The following SMARCA2 variants were observed in gnomAD, a reference collection of about 807,000 sequenced individuals.
The protein encoded by SMARCA2 is SWI/SNF-related matrix-associated actin-dependent regulator of chromatin subfamily A member 2.
A neutral mutation model predicts 199.8 loss-of-function variants in SMARCA2; 61 were observed. That is an observed-to-expected ratio of 0.31 (90% CI 0.25 to 0.38). SMARCA2 has a LOEUF of 0.38. Ranked by LOEUF, SMARCA2 falls within the 10% of genes least tolerant of loss-of-function variation. SMARCA2 has a pLI of 1.00. For missense variants in SMARCA2, 1,344 were observed against 2,012.2 expected (o/e 0.67, Z 6.35); for synonymous variants, 935 against 732.0 (o/e 1.28, Z -4.48).
At chr9:2,036,581 T>A (rs2130229519) in intron 3 of SMARCA2, among the ~76,000 whole-genome samples, 1 of 152,344 alleles carries the variant, frequency 6.6e-6, no homozygotes, top group South Asian at 2.1e-4. Flanking sequence ...ATCTCTATTT[T>A]TAATACCATA....
intron 27 of SMARCA2, among the ~76,000 whole-genome samples, chr9:2,147,051 A>T (rs929798630): frequency 2.0e-5 from 3 of 152,174 alleles, no homozygotes; most frequent in Admixed American, 2.0e-4. Context: ...TGCTTCAAAC[A>T]TCTCTGACAG....
At chr9:2,036,902 G>C (rs10964512) in intron 3 of SMARCA2, among the ~76,000 whole-genome samples, 1 of 152,134 alleles carries the variant, frequency 6.6e-6, no homozygotes, top group Non-Finnish European at 1.5e-5. Context: ...GTTGAATTTA[G>C]ACTAGGTTGC....
intron 22 of SMARCA2, among the ~76,000 whole-genome samples, chr9:2,103,022 T>G: frequency 6.6e-6 from 1 of 151,954 alleles, no homozygotes; most frequent in Non-Finnish European, 1.5e-5. Flanking sequence ...AGGACCTTTA[T>G]GCATGCTCTT....
At chr9:2,096,281 T>G (rs935046384) in intron 19 of SMARCA2, among the ~76,000 whole-genome samples, 6 of 152,262 alleles carry the variant, frequency 3.9e-5, no homozygotes, top group Non-Finnish European at 7.3e-5. Context: ...AAAACCGTTC[T>G]GTTCATAGGA....
rs1822676481 is a variant in SMARCA2, at chr9:2,104,742, T to C, written c.3292+573T>C. Among the ~76,000 whole-genome samples the C allele has an allele frequency of 3.9e-5, 6 of 152,190 alleles. No homozygotes were observed. Among genetic ancestry groups the C allele is most frequent in the Admixed American group, 2.6e-4 (4 of 15,272 alleles). ...TTTTAAGAGTGAAATTTAAATACCG[T>C]GTCCTAAAAATTAGTAAGAAAAAAT... On this transcript the variant is annotated intron_variant, in intron 23 of 33. Transcript: ENST00000349721. The surrounding 1 kb of genome is among the most constrained non-coding windows in gnomAD (Gnocchi z 4.0).
At chr9:2,191,142 C>G (rs1827850105) in intron 32 of SMARCA2, 124 bp from the exon 33 acceptor site, 7 of 912,984 alleles carry the variant, frequency 7.7e-6, no homozygotes, top group African/African-American at 1.7e-5. Context: ...CAGGCATAAA[C>G]CGGGAATGTT....
chr9:2,101,459 A>C, intron 21 of SMARCA2, 111 bp from the exon 22 acceptor site: 3 of 539,634 alleles, frequency 5.6e-6, no homozygotes, highest in Non-Finnish European at 9.7e-6. Context: ...TTATTCATTA[A>C]TTATTTTGTT....
chr9:2,184,849 C>A (rs1827321003), intron 31 of SMARCA2, among the ~76,000 whole-genome samples: 1 of 151,048 alleles, frequency 6.6e-6, no homozygotes, highest in Non-Finnish European at 1.5e-5. Flanking sequence ...ATGGTCCCAT[C>A]CTCTCTCTCT....
intron 1 of SMARCA2, among the ~76,000 whole-genome samples, chr9:2,018,875 A>T (rs748728550): frequency 3.9e-5 from 6 of 152,226 alleles, no homozygotes; most frequent in Non-Finnish European, 7.3e-5. Context: ...GTTGGCCAGC[A>T]TTGGAGTTTT....
intron 31 of SMARCA2, 99 bp from the exon 32 acceptor site, chr9:2,185,996 TA>T: frequency 8.3e-7 from 1 of 1,198,542 alleles, no homozygotes; most frequent in Non-Finnish European, 1.2e-6. Flanking sequence ...ACATTTCTAC[TA>T]AAATTCATGT....
chr9:2,099,871 A>G (rs1822434594), intron 21 of SMARCA2, among the ~76,000 whole-genome samples: 1 of 152,228 alleles, frequency 6.6e-6, no homozygotes, highest in Admixed American at 6.5e-5. Context: ...AACAGCATCC[A>G]TTGACCCCTC....
Position 2,166,535 on chromosome 9 carries a change from C to G in SMARCA2, c.4200-3884C>G, listed in dbSNP as rs143957778. 1.1e-3 allele frequency among the ~76,000 whole-genome samples: 174 copies of G among 152,214 alleles called. 2 individuals are homozygous for G. The highest frequency in any genetic ancestry group is 4.1e-3 in the African/African-American group (170 of 41,512). The stretch of plus-strand genomic sequence containing the variant: ...TATGCCTACTGATTGTATTCTTATC[C>G]CTGTGTAGTTCCAGCCTTACTACTT... On this transcript the variant is annotated intron_variant, in intron 28 of 33. Coordinates refer to ENST00000349721, the MANE Select transcript of SMARCA2 (RefSeq NM_003070.5).
rs768665328 is a variant in SMARCA2 at position 2,104,173 on chromosome 9, A to G, written c.3292+4A>G. 15 of 1,612,436 alleles carry G rather than the reference A, an allele frequency of 9.3e-6. No individual in the cohort carries two copies. The highest frequency in any genetic ancestry group is 2.2e-5 in the East Asian group (1 of 44,826). ...TTCCTTTACCTACGCCTTGATGGTA[A>G]GTGCATAAGGCATTAGGCTCGGAAG... On this transcript the variant is annotated splice_donor_region_variant and intron_variant, in intron 23 of 33. Transcript: ENST00000349721. This position sits in a 1 kb window ranked among gnomAD's most constrained non-coding sequence, Gnocchi z 4.0.
chr9:2,146,963 T>C (rs1824780342), intron 27 of SMARCA2, among the ~76,000 whole-genome samples: 1 of 152,166 alleles, frequency 6.6e-6, no homozygotes, highest in African/African-American at 2.4e-5. Context: ...TGACTGACAA[T>C]GCCTTAACTG....
chr9:2,032,741 C>CA (rs1194564264), intron 2 of SMARCA2: 2 of 405,548 alleles, frequency 4.9e-6, no homozygotes, highest in East Asian at 4.1e-5. Flanking sequence ...AACAAACAAA[C>CA]AAAAAAACAA....
Position 2,123,036 on chromosome 9 carries a change from C to G in SMARCA2, c.3763-683C>G, listed in dbSNP as rs989158202. The stretch of plus-strand genomic sequence containing the variant: ...ACTAGATCAGTTGGGATGCGATTAC[C>G]TCTGAGCTCTCTCTGTCTGTGGTAT... On this transcript the variant is annotated intron_variant, in intron 26 of 33. Coordinates refer to ENST00000349721, the MANE Select transcript of SMARCA2 (RefSeq NM_003070.5). This position sits in a 1 kb window ranked among gnomAD's most constrained non-coding sequence, Gnocchi z 4.1. Among the ~76,000 whole-genome samples the G allele has an allele frequency of 6.6e-6, 1 of 152,120 alleles. No homozygotes were observed. Among genetic ancestry groups the G allele is most frequent in the African/African-American group, 2.4e-5 (1 of 41,412 alleles).
chr9:2,083,325 GTT>G lies in SMARCA2; in HGVS notation c.2349-11_2349-10del, dbSNP rs766737229. 5.2e-4 allele frequency: 608 copies of G among 1,173,268 alleles called. No individual in the cohort carries two copies. The highest frequency in any genetic ancestry group is 7.6e-4 in the South Asian group (49 of 64,384). 72.7% of individuals were successfully genotyped at this position (1,173,268 alleles called of 1,614,324 possible). Reference sequence around the variant, plus strand: ...TTTATACAAATGTCTTTTTTCTGTTGTTTTTTTTTTTTGTTCCATAGGACTCT... The same window carrying G: ...TTTATACAAATGTCTTTTTTCTGTTGTTTTTTTTTTGTTCCATAGGACTCT... On this transcript the variant is annotated intron_variant, in intron 15 of 33. Transcript: ENST00000349721.
intron 29 of SMARCA2, among the ~76,000 whole-genome samples, chr9:2,178,995 G>A (rs183980097): frequency 2.6e-5 from 4 of 152,296 alleles, no homozygotes; most frequent in Non-Finnish European, 4.4e-5. Context: ...GAGAGTAAGT[G>A]TAGTTGATAT....
In SMARCA2 at chr9:2,070,449, C is replaced by T; in HGVS notation, c.1724C>T (p.Ser575Phe). 6.2e-7 allele frequency: 1 copy of T among 1,613,894 alleles called. No individual in the cohort carries two copies. Among genetic ancestry groups the T allele is most frequent in the Non-Finnish European group, 8.5e-7 (1 of 1,179,852 alleles). Reference protein sequence around the residue: ...KAEENAEGGESALGPDGEPID... With the variant: ...KAEENAEGGEFALGPDGEPID... ...GAGGAGAATGCAGAGGGTGGGGAGTCTGCCCTGGGACCGGATGGAGAGGTA... is the reference window on the plus strand; with the variant it reads ...GAGGAGAATGCAGAGGGTGGGGAGTTTGCCCTGGGACCGGATGGAGAGGTA... Residue 575 changes from serine (S) to phenylalanine (F), a missense_variant, in exon 10 of 34, where the codon TCT becomes TTT. Coordinates refer to ENST00000349721, the MANE Select transcript of SMARCA2 (RefSeq NM_003070.5).
Sources: gnomAD v4.1 joint callset for allele counts (sites outside exome capture counted in the v4.1 genomes callset) on GRCh38, gnomAD v4.1.1 for gene constraint, Gnocchi (gnomAD v3.1) non-coding constraint, MANE v1.5 for transcripts, NCBI Gene and HGNC (gene_info 2026-07-23, HGNC 2026-07-21) for gene names.